SHCBP1L: variants seen among roughly 807,000 people sequenced by gnomAD.
The protein encoded by SHCBP1L is testicular spindle-associated protein SHCBP1L.
A neutral mutation model predicts 62.5 loss-of-function variants in SHCBP1L; 67 were observed. The observed-to-expected ratio is 1.07, with a 90% CI of 0.88 to 1.31. The LOEUF is 1.31. Ranked by LOEUF, SHCBP1L falls within the 40% of genes most tolerant of loss-of-function variation. The probability of loss-of-function intolerance (pLI) is 0.00; values close to 1 mark genes in which losing one functional copy is unlikely to be tolerated. For missense variants in SHCBP1L, 823 were observed against 809.8 expected (o/e 1.02, Z -0.20); for synonymous variants, 284 against 289.4 (o/e 0.98, Z 0.19).
chr1:182,903,293 G>A lies in SHCBP1L; in HGVS notation c.1588-132C>T, dbSNP rs78975025. 351 of 606,848 alleles carry A rather than the reference G, an allele frequency of 5.8e-4. 2 individuals carry two copies. The East Asian group carries it at 9.6e-3, about 17-fold the overall frequency. 37.6% of individuals were successfully genotyped at this position (606,848 alleles called of 1,614,324 possible). A position where few individuals can be genotyped will look rare whatever the true frequency, so the allele number is the denominator to read the frequency against. On this transcript the variant is annotated intron_variant, in intron 8 of 9. Coordinates refer to ENST00000367547, the MANE Select transcript of SHCBP1L (RefSeq NM_030933.4). ...GAGTTACGTGCAAATACGTGATCAT[G>A]CATGCAACTGTTAATTGTAAAGATA...
At chr1:182,913,182 T>C (rs1161681218) in intron 6 of SHCBP1L, among the ~76,000 whole-genome samples, 1 of 152,114 alleles carries the variant, frequency 6.6e-6, no homozygotes, top group East Asian at 1.9e-4. Context: ...TAAATGTTTC[T>C]CTGAGTCCTG....
In SHCBP1L at chr1:182,953,002, C is replaced by T; in HGVS notation, c.132G>A (p.Ala44=). The stretch of plus-strand genomic sequence containing the variant: ...AGGCCACCACCGACCGCACTGGGAT[C>T]GCGGTGCCCTTCAGGGTGGTCGCGG... The part of the protein sequence containing the change: ...TAAATTLKGT[A]IPVRSVVASP... Residue 44 remains alanine (A), a synonymous_variant, in exon 1 of 10, where the codon GCG becomes GCA. Transcript: ENST00000367547. 2 of 1,542,944 alleles carry T rather than the reference C, an allele frequency of 1.3e-6. No homozygotes were observed. Among genetic ancestry groups the T allele is most frequent in the Non-Finnish European group, 8.7e-7 (1 of 1,148,050 alleles).
intron 6 of SHCBP1L, among the ~76,000 whole-genome samples, chr1:182,919,872 GA>G (rs1650474253): frequency 6.6e-6 from 1 of 152,016 alleles, no homozygotes; most frequent in African/African-American, 2.4e-5. Context: ...ATTAAATCAA[GA>G]AAGAGGGATC....
chr1:182,910,513 T>C (rs1366663803), intron 6 of SHCBP1L, among the ~76,000 whole-genome samples: 1 of 152,182 alleles, frequency 6.6e-6, no homozygotes, highest in African/African-American at 2.4e-5. Flanking sequence ...GGAGTGGCTT[T>C]CCCTTTGCCC....
At chr1:182,905,148 T>C (rs1426290185) in intron 7 of SHCBP1L, among the ~76,000 whole-genome samples, 1 of 152,198 alleles carries the variant, frequency 6.6e-6, no homozygotes, top group East Asian at 1.9e-4. Context: ...AAAATAAATT[T>C]AGTAAATTCT....
chr1:182,936,521 T>A (rs1298860259), intron 5 of SHCBP1L, among the ~76,000 whole-genome samples: 2 of 152,208 alleles, frequency 1.3e-5, no homozygotes, highest in African/African-American at 2.4e-5. Flanking sequence ...TTTTAAAAAA[T>A]TAATATTTGC....
chr1:182,903,870 A>G (rs1471249262), intron 8 of SHCBP1L, among the ~76,000 whole-genome samples: 1 of 152,228 alleles, frequency 6.6e-6, no homozygotes, highest in Non-Finnish European at 1.5e-5. Context: ...CTGATAACTT[A>G]CATGTCTTAT....
At chr1:182,942,526 G>A (rs957417724) in intron 2 of SHCBP1L, 1 of 569,166 alleles carries the variant, frequency 1.8e-6, no homozygotes, top group Admixed American at 3.0e-5. Context: ...GACCCACCAA[G>A]AGTAAAATTC....
chr1:182,924,970 GAAAGAAAA>G (rs1650687898), intron 6 of SHCBP1L, among the ~76,000 whole-genome samples: 1 of 115,342 alleles, frequency 8.7e-6, no homozygotes, highest in African/African-American at 3.6e-5. Flanking sequence ...AAGAAAGAAA[GAAAGAAAA>G]AAAAAGGAAG....
intron 2 of SHCBP1L, among the ~76,000 whole-genome samples, chr1:182,945,649 A>AT (rs1223944972): frequency 6.6e-6 from 1 of 152,178 alleles, no homozygotes; most frequent in African/African-American, 2.4e-5. Flanking sequence ...TTGAAAATGT[A>AT]TTTTTTCTAC....
At position 182,953,080 on chromosome 1, in the gene SHCBP1L, G is replaced by C. The variant is rs78487548; in HGVS notation, c.54C>G (p.Ser18Arg). ...CGGACTTCTCGCCTCGCCTGTCCGG[G>C]CTGATGGTGCGGAATGAGTCCGCGG... ...SVPADSFRTI[S>R]PDRRGEKSAS... Residue 18 changes from serine (S) to arginine (R), a missense_variant, in exon 1 of 10, where the codon AGC becomes AGG. By Grantham distance (110) the Ser-to-Arg change is moderately radical. Coordinates refer to ENST00000367547, the MANE Select transcript of SHCBP1L (RefSeq NM_030933.4). 43 of 1,559,946 alleles carry C rather than the reference G, an allele frequency of 2.8e-5. No individual in the cohort carries two copies. The highest frequency in any genetic ancestry group is 3.1e-5 in the Non-Finnish European group (36 of 1,159,846).
At chr1:182,902,433 A>G (rs1649875544) in intron 9 of SHCBP1L, among the ~76,000 whole-genome samples, 1 of 152,164 alleles carries the variant, frequency 6.6e-6, no homozygotes. Flanking sequence ...TATATAATAC[A>G]ATTCCTTCCC....
chr1:182,922,314 G>C (rs1650552451), intron 6 of SHCBP1L, among the ~76,000 whole-genome samples: 1 of 152,028 alleles, frequency 6.6e-6, no homozygotes, highest in South Asian at 2.1e-4. Flanking sequence ...GACATCTACA[G>C]ATCGCCTGAG....
chr1:182,923,303 C>T (rs942422894), intron 6 of SHCBP1L, among the ~76,000 whole-genome samples: 4 of 152,108 alleles, frequency 2.6e-5, no homozygotes, highest in South Asian at 2.1e-4. Context: ...TTCTACCAGA[C>T]GTATAAGAGT....
chr1:182,939,265 A>T lies in SHCBP1L; in HGVS notation c.987T>A (p.Ser329=), dbSNP rs367830276. The stretch of plus-strand genomic sequence containing the variant: ...TCCAGCATTCAACAGCCTCTGCTGC[A>T]GATGGATCTTCTTTAATATTGCTCT... ...EYQSNIKEDP[S]AAEAVECWKK... The change falls in exon 5 of 10, where the codon TCT becomes TCA. Residue 329 remains serine, a synonymous_variant. Transcript: ENST00000367547. 6.2e-7 allele frequency: 1 copy of T among 1,613,992 alleles called. No homozygotes were observed. The highest frequency in any genetic ancestry group is 8.5e-7 in the Non-Finnish European group (1 of 1,179,938).
intron 8 of SHCBP1L, among the ~76,000 whole-genome samples, chr1:182,903,707 G>A (rs1649912823): frequency 6.6e-6 from 1 of 151,916 alleles, no homozygotes; most frequent in Non-Finnish European, 1.5e-5. Context: ...GTGTTGCCCA[G>A]GCTGGTCTCA....
intron 6 of SHCBP1L, among the ~76,000 whole-genome samples, chr1:182,919,126 CA>C (rs1383585800): frequency 6.6e-6 from 1 of 152,112 alleles, no homozygotes; most frequent in African/African-American, 2.4e-5. Context: ...GCATGAGTAA[CA>C]AAAGAAAAAA....
chr1:182,952,218 A>ATG (rs1366101391), intron 1 of SHCBP1L, among the ~76,000 whole-genome samples: 1 of 83,732 alleles, frequency 1.2e-5, no homozygotes, highest in Non-Finnish European at 2.1e-5. Context: ...ATATATATAT[A>ATG]TATATATATA....
rs767838798 is a variant in SHCBP1L, at chr1:182,951,472, CAA to C, written c.406-7_406-6del. On this transcript the variant is annotated splice_region_variant and splice_polypyrimidine_tract_variant and intron_variant, in intron 1 of 9. Coordinates refer to ENST00000367547, the MANE Select transcript of SHCBP1L (RefSeq NM_030933.4). ...AACTTCATCAGCATCTTCTGCCTAACAAGAGAAAAAATGGATCTACATATAAA... is the reference window on the plus strand; with the variant it reads ...AACTTCATCAGCATCTTCTGCCTAACGAGAAAAAATGGATCTACATATAAA... 9.7e-6 allele frequency: 15 copies of C among 1,538,462 alleles called. No homozygotes were observed. Among genetic ancestry groups the C allele is most frequent in the South Asian group, 4.0e-5 (3 of 74,710 alleles).
Sources: gnomAD v4.1 joint callset for allele counts (sites outside exome capture counted in the v4.1 genomes callset) on GRCh38, gnomAD v4.1.1 for gene constraint, MANE v1.5 for transcripts, NCBI Gene and HGNC (gene_info 2026-07-23, HGNC 2026-07-21) for gene names.